LRRC7: variants seen among roughly 807,000 people sequenced by gnomAD.
LRRC7 encodes the protein leucine rich repeat containing 7, also known as leucine-rich repeat-containing protein 7.
A neutral mutation model predicts 175.7 loss-of-function variants in LRRC7; 23 were observed. That is an observed-to-expected ratio of 0.13 (90% CI 0.09 to 0.19). The LOEUF (loss-of-function observed/expected upper bound fraction) is 0.19. Among genes scored for constraint, LRRC7 ranks in the 10% least tolerant of loss-of-function variants. The pLI, the probability that LRRC7 is intolerant of heterozygous loss-of-function variation, is 1.00. For missense variants in LRRC7, 1,354 were observed against 1,904.7 expected (o/e 0.71, Z 5.38); for synonymous variants, 685 against 680.9 (o/e 1.01, Z -0.09).
intron 1 of LRRC7, among the ~76,000 whole-genome samples, chr1:69,577,683 T>G (rs1646011426): frequency 6.6e-6 from 1 of 152,190 alleles, no homozygotes; most frequent in South Asian, 2.1e-4. Context: ...AAAGATCAGA[T>G]AGTTGTAGAT....
chr1:69,764,285 T>G (rs1000968691), intron 3 of LRRC7, among the ~76,000 whole-genome samples: 3 of 151,832 alleles, frequency 2.0e-5, no homozygotes, highest in African/African-American at 7.3e-5. Flanking sequence ...ATATTATATA[T>G]GAAGTAGTGT....
chr1:69,971,753 C>T (rs1652256920), intron 8 of LRRC7, among the ~76,000 whole-genome samples: 1 of 152,096 alleles, frequency 6.6e-6, no homozygotes, highest in Non-Finnish European at 1.5e-5. Context: ...TCATTCTTCA[C>T]AGAATTAGAA....
At chr1:69,586,162 T>C (rs1347263244) in intron 1 of LRRC7, among the ~76,000 whole-genome samples, 1 of 152,194 alleles carries the variant, frequency 6.6e-6, no homozygotes, top group Non-Finnish European at 1.5e-5. Context: ...TTTAAATTTT[T>C]GTCAATTTAA....
intron 21 of LRRC7, among the ~76,000 whole-genome samples, chr1:70,042,196 T>C (rs1659962113): frequency 6.6e-6 from 1 of 152,228 alleles, no homozygotes; most frequent in African/African-American, 2.4e-5. Flanking sequence ...TACTGAGCTA[T>C]TCAGGCTATA....
chr1:69,586,791 G>T (rs368129404), intron 1 of LRRC7, among the ~76,000 whole-genome samples: 4 of 151,960 alleles, frequency 2.6e-5, no homozygotes, highest in African/African-American at 4.8e-5. Flanking sequence ...TAATATTTGC[G>T]CCTTAATTCT....
At chr1:69,792,702 T>C (rs1229445927) in intron 4 of LRRC7, among the ~76,000 whole-genome samples, 1 of 152,120 alleles carries the variant, frequency 6.6e-6, no homozygotes, top group Non-Finnish European at 1.5e-5. Context: ...TGGTCACTAA[T>C]GTGTCCCAAA....
Position 69,717,762 on chromosome 1 carries a change from A to AAAGAAGGAAAG in LRRC7, c.100+39286_100+39287insGAAGGAAAGAA, listed in dbSNP as rs1557640309. On this transcript the variant is annotated intron_variant, in intron 2 of 26. Coordinates refer to ENST00000651989, the MANE Select transcript of LRRC7 (RefSeq NM_001370785.2). ...ATTTAAAAGATATTGGAACATGAAA[A>AAAGAAGGAAAG]AAAGAAAAAAAGAAAGAAAGAAAGA... Among the ~76,000 whole-genome samples, 4 of 40,836 alleles carry AAAGAAGGAAAG rather than the reference A, an allele frequency of 9.8e-5. 2 individuals carry two copies. The highest frequency in any genetic ancestry group is 5.5e-4 in the Admixed American group (2 of 3,622). 26.8% of individuals were successfully genotyped at this position (40,836 alleles called of 152,430 possible).
At chr1:69,747,894 T>A (rs1461434789) in intron 2 of LRRC7, among the ~76,000 whole-genome samples, 1 of 152,168 alleles carries the variant, frequency 6.6e-6, no homozygotes, top group African/African-American at 2.4e-5. Context: ...ATTTAACAAT[T>A]GTTAAATCTG....
Position 69,663,700 on chromosome 1 carries a change from A to ATTTTTTTT in LRRC7, c.3-14656_3-14649dup, listed in dbSNP as rs552339451. ...TGTCTCCATTAGTTCAATCGTTTTA[A>ATTTTTTTT]TTTTTTTTTTTTTTTTTTTTTTTTT... On this transcript the variant is annotated intron_variant, in intron 1 of 26. Coordinates refer to ENST00000651989, the MANE Select transcript of LRRC7 (RefSeq NM_001370785.2). Among the ~76,000 whole-genome samples, 66 of 67,740 alleles carry ATTTTTTTT rather than the reference A, an allele frequency of 9.7e-4. 5 individuals are homozygous for ATTTTTTTT. Among genetic ancestry groups the ATTTTTTTT allele is most frequent in the African/African-American group, 8.7e-4 (13 of 14,948 alleles). 44.4% of individuals were successfully genotyped at this position (67,740 alleles called of 152,430 possible).
At chr1:69,878,000 C>T (rs1213850898) in intron 7 of LRRC7, among the ~76,000 whole-genome samples, 1 of 151,982 alleles carries the variant, frequency 6.6e-6, no homozygotes, top group African/African-American at 2.4e-5. Context: ...CAAGATAGGA[C>T]AGGATGGCAG....
chr1:69,957,698 T>A (rs201338947), intron 8 of LRRC7, among the ~76,000 whole-genome samples: 1 of 151,890 alleles, frequency 6.6e-6, no homozygotes, highest in East Asian at 1.9e-4. Flanking sequence ...GACCCGAATG[T>A]TATTGCCAAC....
At chr1:70,075,921 G>A (rs1322539498) in intron 23 of LRRC7, among the ~76,000 whole-genome samples, 156 bp from the exon 24 acceptor site, 1 of 152,208 alleles carries the variant, frequency 6.6e-6, no homozygotes, top group Non-Finnish European at 1.5e-5. Flanking sequence ...AACCACAGTA[G>A]GCAGACCCTT....
intron 3 of LRRC7, among the ~76,000 whole-genome samples, chr1:69,771,124 C>T (rs1557705371): frequency 6.6e-6 from 1 of 152,116 alleles, no homozygotes; most frequent in Non-Finnish European, 1.5e-5. Flanking sequence ...TCTGTTTAAT[C>T]TCTTTCCTAA....
chr1:69,791,921 G>A (rs1234245094), intron 3 of LRRC7, 122 bp from the exon 4 acceptor site: 1 of 619,524 alleles, frequency 1.6e-6, no homozygotes, highest in African/African-American at 1.9e-5. Context: ...AGGGAAGTGA[G>A]GCTTTTATAA....
intron 2 of LRRC7, among the ~76,000 whole-genome samples, chr1:69,750,892 C>G (rs892045826): frequency 6.6e-6 from 1 of 152,178 alleles, no homozygotes; most frequent in Non-Finnish European, 1.5e-5. Flanking sequence ...TAAGTTTTAA[C>G]ATGAATTTTG....
rs115978381 is a variant in LRRC7 at position 69,998,305 on chromosome 1, G to A, written c.1004+3672G>A. Among the ~76,000 whole-genome samples, 476 of 152,198 alleles carry A rather than the reference G, an allele frequency of 3.1e-3. 3 individuals are homozygous for A. The highest frequency in any genetic ancestry group is 0.01 in the African/African-American group (428 of 41,528). On this transcript the variant is annotated intron_variant, in intron 11 of 26. Coordinates refer to ENST00000651989, the MANE Select transcript of LRRC7 (RefSeq NM_001370785.2). Reference sequence around the variant, plus strand: ...TCTCCCCATCACTCCCTCATCACCTGCCAAGTCAGCATATAGCCCCTCATC... The same window carrying A: ...TCTCCCCATCACTCCCTCATCACCTACCAAGTCAGCATATAGCCCCTCATC...
intron 1 of LRRC7, among the ~76,000 whole-genome samples, chr1:69,598,970 A>G (rs978504745): frequency 6.6e-6 from 1 of 152,188 alleles, no homozygotes; most frequent in African/African-American, 2.4e-5. Context: ...TTGTTCATAC[A>G]TTTCCTACCT....
intron 5 of LRRC7, among the ~76,000 whole-genome samples, chr1:69,829,363 T>A (rs1220969520): frequency 1.3e-5 from 2 of 151,912 alleles, no homozygotes; most frequent in Non-Finnish European, 2.9e-5. Context: ...TATATAGATG[T>A]ACATTTTGGG....
At chr1:69,760,441 A>G (rs1004535258) in intron 3 of LRRC7, 48 bp downstream of exon 3, 1 of 1,473,286 alleles carries the variant, frequency 6.8e-7, no homozygotes, top group Non-Finnish European at 9.4e-7. Context: ...GTATTTCATA[A>G]TTTTCAAATA....
Sources: allele counts gnomAD v4.1 joint callset (sites outside exome capture counted in the v4.1 genomes callset), GRCh38; gene constraint gnomAD v4.1.1; transcripts MANE v1.5; gene names NCBI Gene and HGNC (gene_info 2026-07-23, HGNC 2026-07-21).